SPOCK3: variants seen among roughly 807,000 people sequenced by gnomAD.
SPOCK3 encodes the protein SPARC (osteonectin), cwcv and kazal like domains proteoglycan 3.
SPOCK3 carries 30 observed loss-of-function variants against 56.6 expected under a neutral mutation model. The ratio of observed to expected loss-of-function variants is 0.53; its 90% CI spans 0.40 to 0.72. The LOEUF is 0.72. SPOCK3 is among the 30% of genes least tolerant of loss of function. The pLI, the probability that SPOCK3 is intolerant of heterozygous loss-of-function variation, is 0.00. For synonymous variants in SPOCK3, 196 were observed against 183.3 expected, an observed-to-expected ratio of 1.07 and a Z score of -0.56; for missense variants, 527 against 530.0, an observed-to-expected ratio of 0.99 and a Z score of 0.06.
At chr4:166,927,404 A>G (rs1258820171) in intron 4 of SPOCK3, among the ~76,000 whole-genome samples, 1 of 152,142 alleles carries the variant, frequency 6.6e-6, no homozygotes, top group Non-Finnish European at 1.5e-5. Context: ...TCTTGCTGCC[A>G]CCACGTAAGG....
At chr4:167,195,738 G>A (rs1357288313) in intron 2 of SPOCK3, among the ~76,000 whole-genome samples, 1 of 152,212 alleles carries the variant, frequency 6.6e-6, no homozygotes. Flanking sequence ...TTCACAGGAG[G>A]ATGGGATTGT....
chr4:166,850,374 A>C (rs1157644217), intron 6 of SPOCK3, among the ~76,000 whole-genome samples: 1 of 152,232 alleles, frequency 6.6e-6, no homozygotes, highest in Non-Finnish European at 1.5e-5. Flanking sequence ...CTAGAGTTAA[A>C]GTGCTATGCA....
intron 3 of SPOCK3, among the ~76,000 whole-genome samples, chr4:167,049,197 T>C (rs1217597415): frequency 1.3e-5 from 2 of 151,794 alleles, no homozygotes; most frequent in Non-Finnish European, 2.9e-5. Flanking sequence ...CTCTGCCTCC[T>C]GGGTTCAAGC....
intron 2 of SPOCK3, among the ~76,000 whole-genome samples, chr4:167,113,617 C>T (rs1761092684): frequency 6.6e-6 from 1 of 151,880 alleles, no homozygotes; most frequent in Non-Finnish European, 1.5e-5. Context: ...GAGAAGTTGG[C>T]AGGATTAAAG....
Position 167,142,847 on chromosome 4 carries a change from T to G in SPOCK3, c.190-80310A>C, listed in dbSNP as rs1401018057. Among the ~76,000 whole-genome samples, 4 of 152,094 alleles carry G rather than the reference T, an allele frequency of 2.6e-5. No homozygotes were observed. The East Asian group carries it at 7.7e-4, about 29-fold the overall frequency. The stretch of plus-strand genomic sequence containing the variant: ...TTCTTTTTTAATATTTTTGATTTAG[T>G]GAAAATATTAGCTAAATAAATTGGA... On this transcript the variant is annotated intron_variant, in intron 2 of 10. Coordinates refer to ENST00000357545, the MANE Select transcript of SPOCK3 (RefSeq NM_001040159.2).
chr4:167,076,603 A>G (rs1331797963), intron 2 of SPOCK3, among the ~76,000 whole-genome samples: 1 of 151,918 alleles, frequency 6.6e-6, no homozygotes, highest in Non-Finnish European at 1.5e-5. Context: ...CTTACACTCT[A>G]TGCAATGGAA....
intron 4 of SPOCK3, among the ~76,000 whole-genome samples, chr4:166,952,323 C>G (rs1742759695): frequency 6.6e-6 from 1 of 152,150 alleles, no homozygotes; most frequent in African/African-American, 2.4e-5. Flanking sequence ...TGAGTGAACT[C>G]CCATTCACAA....
At chr4:166,910,612 A>C (rs1737162497) in intron 5 of SPOCK3, among the ~76,000 whole-genome samples, 1 of 152,148 alleles carries the variant, frequency 6.6e-6, no homozygotes, top group Non-Finnish European at 1.5e-5. Flanking sequence ...TCCACTTATA[A>C]TTGTAACTTG....
At chr4:166,983,316 A>G (rs1054957988) in intron 4 of SPOCK3, among the ~76,000 whole-genome samples, 1 of 152,088 alleles carries the variant, frequency 6.6e-6, no homozygotes, top group African/African-American at 2.4e-5. Context: ...TTATATTTAA[A>G]TGAATATTAT....
intron 4 of SPOCK3, among the ~76,000 whole-genome samples, chr4:166,991,378 T>TTTAC (rs1275746229): frequency 1.3e-5 from 2 of 150,860 alleles, no homozygotes; most frequent in African/African-American, 4.9e-5. Flanking sequence ...TATTTATTTA[T>TTTAC]TTATGTTTTG....
At chr4:166,924,972 T>C (rs62352346) in intron 4 of SPOCK3, among the ~76,000 whole-genome samples, 1 of 152,002 alleles carries the variant, frequency 6.6e-6, no homozygotes, top group Admixed American at 6.6e-5. Flanking sequence ...GGATTGGGGT[T>C]CCCTGGGGTA....
intron 2 of SPOCK3, among the ~76,000 whole-genome samples, chr4:167,084,619 A>T (rs1758020798): frequency 6.6e-6 from 1 of 152,038 alleles, no homozygotes; most frequent in African/African-American, 2.4e-5. Context: ...AATTATTCTA[A>T]ATTTCCTATC....
At chr4:167,042,656 C>T (rs1361184268) in intron 3 of SPOCK3, among the ~76,000 whole-genome samples, 1 of 152,098 alleles carries the variant, frequency 6.6e-6, no homozygotes, top group Non-Finnish European at 1.5e-5. Flanking sequence ...CAGTTTTATA[C>T]TTACACCACC....
At chr4:166,800,039 G>T (rs769367845) in intron 6 of SPOCK3, among the ~76,000 whole-genome samples, 2 of 151,642 alleles carry the variant, frequency 1.3e-5, no homozygotes, top group Non-Finnish European at 2.9e-5. Flanking sequence ...AAAATTAGCC[G>T]GGCGTGGTGG....
chr4:167,223,114 A>ATAT (rs1413701360), intron 2 of SPOCK3, among the ~76,000 whole-genome samples: 3 of 99,014 alleles, frequency 3.0e-5, no homozygotes, highest in African/African-American at 1.7e-4. Flanking sequence ...AATATATAAT[A>ATAT]TATATTTTAT....
intron 4 of SPOCK3, among the ~76,000 whole-genome samples, chr4:166,964,115 T>C (rs993025266): frequency 2.6e-5 from 4 of 151,594 alleles, no homozygotes; most frequent in Non-Finnish European, 5.9e-5. Context: ...GAATATATAC[T>C]AGATGATCAA....
intron 2 of SPOCK3, among the ~76,000 whole-genome samples, chr4:167,214,011 T>C (rs1427301282): frequency 6.6e-6 from 1 of 152,176 alleles, no homozygotes; most frequent in Non-Finnish European, 1.5e-5. Context: ...GCTATGGTAA[T>C]ATTCAAGCAA....
At chr4:166,949,688 C>T (rs1302584975) in intron 4 of SPOCK3, among the ~76,000 whole-genome samples, 2 of 152,190 alleles carry the variant, frequency 1.3e-5, no homozygotes, top group East Asian at 1.9e-4. Context: ...GCTGTCTGAT[C>T]GTTCCTCTGG....
chr4:167,011,360 AC>A (rs1323162288), intron 3 of SPOCK3: 16 of 452,202 alleles, frequency 3.5e-5, no homozygotes, highest in South Asian at 9.4e-5. Flanking sequence ...TATTCAAACA[AC>A]CTCTCTAAAA....
Sources: gnomAD v4.1 joint callset for allele counts (sites outside exome capture counted in the v4.1 genomes callset) on GRCh38, gnomAD v4.1.1 for gene constraint, MANE v1.5 for transcripts, NCBI Gene and HGNC (gene_info 2026-07-23, HGNC 2026-07-21) for gene names.